The following OXR1 variants were observed in gnomAD, a reference collection of about 807,000 sequenced individuals.
The protein encoded by OXR1 is oxidation resistance protein 1.
OXR1 carries 41 observed loss-of-function variants against 104.6 expected under a neutral mutation model. The ratio of observed to expected loss-of-function variants is 0.39; its 90% CI spans 0.31 to 0.51. OXR1 has a LOEUF of 0.51. Among genes scored for constraint, OXR1 ranks in the 20% least tolerant of loss-of-function variants. The pLI is 0.77. For missense variants in OXR1, 955 were observed against 1,031.9 expected, an observed-to-expected ratio of 0.93 and a Z score of 1.02; for synonymous variants, 348 against 348.4, an observed-to-expected ratio of 1.00 and a Z score of 0.01.
chr8:106,508,353 A>AT (rs1202975586), intron 2 of OXR1, among the ~76,000 whole-genome samples: 2 of 152,032 alleles, frequency 1.3e-5, no homozygotes, highest in Non-Finnish European at 1.5e-5. Flanking sequence ...ACATTTTATA[A>AT]TTTTTTTTCT....
intron 10 of OXR1, among the ~76,000 whole-genome samples, chr8:106,711,689 C>T (rs1831705000): frequency 6.6e-6 from 1 of 152,130 alleles, no homozygotes; most frequent in African/African-American, 2.4e-5. Flanking sequence ...ATCTGTACAA[C>T]AGCAGTAATC....
At chr8:106,722,455 A>G (rs1343843286) in intron 11 of OXR1, among the ~76,000 whole-genome samples, 1 of 152,222 alleles carries the variant, frequency 6.6e-6, no homozygotes, top group Non-Finnish European at 1.5e-5. Flanking sequence ...TTATTAGTTG[A>G]TAGGTACTGA....
chr8:106,388,759 C>A (rs940261597), intron 2 of OXR1, among the ~76,000 whole-genome samples: 1 of 152,182 alleles, frequency 6.6e-6, no homozygotes, highest in Admixed American at 6.5e-5. Context: ...AGCACAGGAC[C>A]TAAGAAATTC....
At chr8:106,650,216 T>C (rs1485668041) in intron 3 of OXR1, among the ~76,000 whole-genome samples, 1 of 152,196 alleles carries the variant, frequency 6.6e-6, no homozygotes, top group African/African-American at 2.4e-5. Context: ...GCTTGCATGA[T>C]GTTATTAAAT....
chr8:106,492,270 G>A (rs1811141470), intron 2 of OXR1, among the ~76,000 whole-genome samples: 1 of 152,164 alleles, frequency 6.6e-6, no homozygotes, highest in South Asian at 2.1e-4. Flanking sequence ...GCTATGTGTT[G>A]CTAATTCATG....
In OXR1 at chr8:106,463,729, C is replaced by T. The variant is rs148563644; in HGVS notation, c.24-55214C>T. On this transcript the variant is annotated intron_variant, in intron 2 of 16. Transcript: ENST00000517566. ...ATTACATATCTGATCTTTGTCTAAA[C>T]GAGCCTATCCGTGAAGTAGGGATTG... 2.4e-4 allele frequency among the ~76,000 whole-genome samples: 37 copies of T among 152,166 alleles called. No individual in the cohort carries two copies. In the East Asian group the frequency reaches 3.9e-3, roughly 16 times the overall value.
At chr8:106,685,519 C>A (rs1259747089) in intron 6 of OXR1, among the ~76,000 whole-genome samples, 1 of 152,054 alleles carries the variant, frequency 6.6e-6, no homozygotes, top group Non-Finnish European at 1.5e-5. Context: ...CAGGCCTCAA[C>A]CTGTGTGAAA....
At chr8:106,355,275 G>A (rs1378848905) in intron 1 of OXR1, among the ~76,000 whole-genome samples, 1 of 152,102 alleles carries the variant, frequency 6.6e-6, no homozygotes, top group Non-Finnish European at 1.5e-5. Flanking sequence ...ATGTAAGTGT[G>A]GAGAATGATG....
intron 1 of OXR1, among the ~76,000 whole-genome samples, chr8:106,313,277 T>G (rs916634483): frequency 3.3e-5 from 5 of 152,138 alleles, no homozygotes; most frequent in African/African-American, 1.2e-4. Context: ...AAACTACACA[T>G]TCAACTTTGG....
At chr8:106,701,215 T>C (rs1317083466) in intron 7 of OXR1, among the ~76,000 whole-genome samples, 1 of 152,118 alleles carries the variant, frequency 6.6e-6, no homozygotes, top group Non-Finnish European at 1.5e-5. Context: ...CTAAAAGAGG[T>C]GCTATTCAGA....
chr8:106,572,300 C>T (rs1374345010), intron 3 of OXR1, among the ~76,000 whole-genome samples: 2 of 152,176 alleles, frequency 1.3e-5, no homozygotes, highest in Non-Finnish European at 2.9e-5. Context: ...ATAATCTGAT[C>T]TATATTTCTG....
At chr8:106,277,698 G>C (rs1219422922) in intron 1 of OXR1, among the ~76,000 whole-genome samples, 1 of 152,168 alleles carries the variant, frequency 6.6e-6, no homozygotes, top group Admixed American at 6.5e-5. Context: ...TCTTGGCTAT[G>C]TCCTTGACAG....
intron 2 of OXR1, among the ~76,000 whole-genome samples, chr8:106,476,104 T>G (rs2129694887): frequency 6.6e-6 from 1 of 151,816 alleles, no homozygotes; most frequent in South Asian, 2.1e-4. Context: ...TTATCAGTTT[T>G]CTCTTGCATA....
chr8:106,301,687 A>G (rs1813240822), intron 1 of OXR1, among the ~76,000 whole-genome samples: 1 of 152,232 alleles, frequency 6.6e-6, no homozygotes, highest in Non-Finnish European at 1.5e-5. Flanking sequence ...TAAGTTAAGT[A>G]ATAACCTCTT....
chr8:106,621,516 T>TAAA (rs3046754), intron 3 of OXR1, among the ~76,000 whole-genome samples: 13 of 138,200 alleles, frequency 9.4e-5, no homozygotes, highest in Admixed American at 2.2e-4. Flanking sequence ...TCAATAAGAG[T>TAAA]AAAAAAAAAA....
chr8:106,614,230 A>G (rs1821019216), intron 3 of OXR1, among the ~76,000 whole-genome samples: 1 of 152,224 alleles, frequency 6.6e-6, no homozygotes, highest in African/African-American at 2.4e-5. Context: ...TCACCGTCTT[A>G]AAAAAGGTTC....
chr8:106,282,177 C>G (rs1473868416), intron 1 of OXR1, among the ~76,000 whole-genome samples: 3 of 152,126 alleles, frequency 2.0e-5, no homozygotes, highest in Non-Finnish European at 2.9e-5. Context: ...CAAACCTGGA[C>G]AGAGAAAATG....
At chr8:106,346,100 C>A (rs370227672) in intron 1 of OXR1, among the ~76,000 whole-genome samples, 1,471 of 120,038 alleles carry the variant, frequency 0.012, 33 homozygotes, top group African/African-American at 0.04. Flanking sequence ...TTTATTCCAC[C>A]CCCCCTACCG....
intron 1 of OXR1, among the ~76,000 whole-genome samples, chr8:106,306,746 A>G (rs1320592305): frequency 6.6e-6 from 1 of 152,198 alleles, no homozygotes; most frequent in African/African-American, 2.4e-5. Context: ...AGGGAAAGCA[A>G]GAGAACTTTC....
Sources: gnomAD v4.1 joint callset for allele counts (sites outside exome capture counted in the v4.1 genomes callset) on GRCh38, gnomAD v4.1.1 for gene constraint, MANE v1.5 for transcripts, NCBI Gene and HGNC (gene_info 2026-07-23, HGNC 2026-07-21) for gene names.